Variants in RHBDD1 observed in about 807,000 individuals in gnomAD.
RHBDD1 encodes rhomboid domain containing 1, also known as rhomboid-related protein 4.
Under a neutral mutation model 36.3 loss-of-function variants are expected in RHBDD1, and 38 were observed. That is an observed-to-expected ratio of 1.05 (90% CI 0.81 to 1.37). The LOEUF (loss-of-function observed/expected upper bound fraction) is 1.37. Ranked by LOEUF, RHBDD1 falls within the 40% of genes most tolerant of loss-of-function variation. RHBDD1 has a pLI of 0.00. For missense variants in RHBDD1, 393 were observed against 377.6 expected (o/e 1.04, Z -0.34); for synonymous variants, 151 against 136.5 (o/e 1.11, Z -0.74).
rs545550441 is a variant in RHBDD1, at chr2:226,872,358, C to T, written c.566+5040C>T. Reference sequence around the variant, plus strand: ...TGACACACCTCTGTAATATTTTCCCCGACAGGTTTTGCTGCATGCTTTCTG... The same window carrying T: ...TGACACACCTCTGTAATATTTTCCCTGACAGGTTTTGCTGCATGCTTTCTG... On this transcript the variant is annotated intron_variant, in intron 5 of 8. Transcript: ENST00000392062. Among the ~76,000 whole-genome samples the T allele has an allele frequency of 1.6e-4, 24 of 152,232 alleles. No homozygotes were observed. In the South Asian group the frequency reaches 3.5e-3, roughly 22 times the overall value.
upstream of RHBDD1, among the ~76,000 whole-genome samples, chr2:226,830,872 C>T (rs1940724213): frequency 6.6e-6 from 1 of 152,136 alleles, no homozygotes. Flanking sequence ...ATCTCACCAT[C>T]TTGCCCAAGC....
chr2:226,932,281 T>C (rs1950073411), intron 8 of RHBDD1, among the ~76,000 whole-genome samples: 1 of 152,184 alleles, frequency 6.6e-6, no homozygotes, highest in Non-Finnish European at 1.5e-5. Flanking sequence ...GAAAAGAATG[T>C]GTATTCTGCT....
Position 226,908,814 on chromosome 2 carries a change from A to G in RHBDD1, c.656-8A>G. ...TGCCATTAAAATGTTTATTTCTTTT[A>G]CGTTTAGGCGGTTTTTCCTCCAGTG... On this transcript the variant is annotated splice_region_variant and splice_polypyrimidine_tract_variant and intron_variant, in intron 6 of 8. Transcript: ENST00000392062. The G allele has an allele frequency of 6.3e-7, 1 of 1,596,692 alleles. No homozygotes were observed. The highest frequency in any genetic ancestry group is 8.6e-7 in the Non-Finnish European group (1 of 1,164,200).
chr2:226,881,925 G>A (rs907723643), intron 5 of RHBDD1, among the ~76,000 whole-genome samples: 7 of 152,172 alleles, frequency 4.6e-5, no homozygotes, highest in Admixed American at 3.9e-4. Flanking sequence ...AGCTGTGATT[G>A]TTCAGTGTTA....
At chr2:226,888,578 A>G (rs527993219) in intron 5 of RHBDD1, among the ~76,000 whole-genome samples, 12 of 152,070 alleles carry the variant, frequency 7.9e-5, no homozygotes, top group Non-Finnish European at 1.8e-4. Flanking sequence ...CATTTGTCCT[A>G]ATTCTCATCT....
chr2:226,985,180 G>A (rs1050263527), intron 8 of RHBDD1, among the ~76,000 whole-genome samples: 3 of 152,206 alleles, frequency 2.0e-5, no homozygotes, highest in African/African-American at 7.2e-5. Flanking sequence ...CTAACACGAG[G>A]CAGCATGCAC....
chr2:226,837,974 T>A (rs1391332174), intron 1 of RHBDD1, 99 bp from the exon 2 acceptor site: 1 of 152,240 alleles, frequency 6.6e-6, no homozygotes, highest in Non-Finnish European at 1.5e-5. Context: ...ATCTCATGTC[T>A]ACTCTAGATA....
intron 3 of RHBDD1, among the ~76,000 whole-genome samples, chr2:226,850,507 AGTTTTGAACTT>A (rs1488398717): frequency 2.0e-5 from 3 of 152,096 alleles, no homozygotes; most frequent in Admixed American, 2.0e-4. Flanking sequence ...GTTAATCTGG[AGTTTTGAACTT>A]GTTTTTCCCA....
intron 8 of RHBDD1, among the ~76,000 whole-genome samples, chr2:226,931,040 A>G (rs1436475632): frequency 9.9e-5 from 15 of 152,012 alleles, no homozygotes; most frequent in African/African-American, 3.6e-4. Context: ...CACTGATGGT[A>G]GGAATGTAAA....
intron 2 of RHBDD1, 49 bp from the exon 3 acceptor site, chr2:226,839,360 T>G (rs1941361979): frequency 6.6e-6 from 1 of 152,216 alleles, no homozygotes; most frequent in Admixed American, 6.5e-5. Context: ...TCCTTTTATG[T>G]TGCAGTCATA....
chr2:226,916,599 T>C (rs568278494), intron 8 of RHBDD1, among the ~76,000 whole-genome samples: 15 of 152,292 alleles, frequency 9.8e-5, no homozygotes, highest in African/African-American at 3.4e-4. Context: ...AGATTTGGAC[T>C]TATATTTGGG....
At chr2:226,804,352 A>C in the RHBDD1 span, 1 of 152,226 alleles carries the variant, frequency 6.6e-6, no homozygotes, top group Non-Finnish European at 1.5e-5. Flanking sequence ...AAATTTAAGA[A>C]TCATTGGCTT....
At chr2:226,940,538 G>A (rs1003814620) in intron 8 of RHBDD1, among the ~76,000 whole-genome samples, 23 of 152,134 alleles carry the variant, frequency 1.5e-4, no homozygotes, top group Admixed American at 1.5e-3. Flanking sequence ...GCTTGTGTGT[G>A]TGTGTGTATC....
chr2:226,913,469 A>T (rs938018497), intron 7 of RHBDD1, among the ~76,000 whole-genome samples: 17 of 152,206 alleles, frequency 1.1e-4, no homozygotes, highest in African/African-American at 3.9e-4. Flanking sequence ...AATGTAAGGA[A>T]TAAACTCAAA....
At chr2:226,917,216 A>AAG (rs1948973554) in intron 8 of RHBDD1, among the ~76,000 whole-genome samples, 1 of 152,142 alleles carries the variant, frequency 6.6e-6, no homozygotes, top group Admixed American at 6.5e-5. Context: ...CAGAGATTTC[A>AAG]GAAAGTCATC....
In RHBDD1 at chr2:226,847,482, C is replaced by T. The variant is rs181962287; in HGVS notation, c.-91+7855C>T. 2.1e-3 allele frequency among the ~76,000 whole-genome samples: 315 copies of T among 152,220 alleles called. 4 individuals are homozygous for T. Among genetic ancestry groups the T allele is most frequent in the African/African-American group, 7.3e-3 (302 of 41,516 alleles). ...TTTGCCCATTTCCAAAAAGTATCTG[C>T]TTTAGATGACATAAGACACAAGCTT... On this transcript the variant is annotated intron_variant, in intron 3 of 8. Transcript: ENST00000392062.
At chr2:226,881,937 T>C (rs528557775) in intron 5 of RHBDD1, among the ~76,000 whole-genome samples, 1 of 152,378 alleles carries the variant, frequency 6.6e-6, no homozygotes, top group Admixed American at 6.5e-5. Flanking sequence ...TCAGTGTTAA[T>C]GAGTGGTGAT....
At chr2:226,924,495 A>G (rs978711334) in intron 8 of RHBDD1, among the ~76,000 whole-genome samples, 2 of 152,184 alleles carry the variant, frequency 1.3e-5, no homozygotes, top group Non-Finnish European at 2.9e-5. Flanking sequence ...GGGGTAACAC[A>G]AGCACTGACT....
At chr2:226,845,587 T>G (rs1942127514) in intron 3 of RHBDD1, among the ~76,000 whole-genome samples, 1 of 152,232 alleles carries the variant, frequency 6.6e-6, no homozygotes, top group Non-Finnish European at 1.5e-5. Flanking sequence ...CCTGACAACT[T>G]CTTTATATTC....
Sources: gnomAD v4.1 joint callset for allele counts (sites outside exome capture counted in the v4.1 genomes callset) on GRCh38, gnomAD v4.1.1 for gene constraint, MANE v1.5 for transcripts, NCBI Gene and HGNC (gene_info 2026-07-23, HGNC 2026-07-21) for gene names.